UBR3: variants seen among roughly 807,000 people sequenced by gnomAD.
The protein encoded by UBR3 is ubiquitin protein ligase E3 component n-recognin 3.
In UBR3, 85 loss-of-function variants were observed where a neutral mutation model predicts 243.2. The ratio of observed to expected loss-of-function variants is 0.35; its 90% CI spans 0.29 to 0.42. UBR3 has a LOEUF of 0.42. Among genes scored for constraint, UBR3 ranks in the 10% least tolerant of loss-of-function variants. The pLI, the probability that UBR3 is intolerant of heterozygous loss-of-function variation, is 1.00. For synonymous variants in UBR3, 748 were observed against 799.8 expected (o/e 0.94, Z 1.09); for missense variants, 1,686 against 2,300.8 (o/e 0.73, Z 5.47).
At chr2:169,899,192 C>G (rs1248460145) in intron 8 of UBR3, among the ~76,000 whole-genome samples, 2 of 150,346 alleles carry the variant, frequency 1.3e-5, no homozygotes, top group Non-Finnish European at 3.0e-5. Flanking sequence ...ATTGGCCAGG[C>G]TGGTCTTGGA....
At chr2:169,852,863 A>C (rs1364693086) in intron 1 of UBR3, among the ~76,000 whole-genome samples, 6 of 145,272 alleles carry the variant, frequency 4.1e-5, no homozygotes, top group African/African-American at 9.8e-5. Flanking sequence ...AAAAAAAAAA[A>C]AAAAAAAAAA....
At chr2:169,857,113 T>C (rs989368759) in intron 1 of UBR3, among the ~76,000 whole-genome samples, 1 of 132,420 alleles carries the variant, frequency 7.6e-6, no homozygotes, top group African/African-American at 3.0e-5. Flanking sequence ...TTGTTCTGTC[T>C]CCCAGGCTAG....
chr2:169,917,515 T>C (rs1444862355), intron 11 of UBR3, among the ~76,000 whole-genome samples: 1 of 152,150 alleles, frequency 6.6e-6, no homozygotes, highest in Non-Finnish European at 1.5e-5. Flanking sequence ...GAATCATGAG[T>C]GTAGTGAAGG....
Position 169,882,007 on chromosome 2 carries a change from TATA to T in UBR3, c.1038+3437_1038+3439del, listed in dbSNP as rs1412715613. On this transcript the variant is annotated intron_variant, in intron 5 of 38. Coordinates refer to ENST00000272793, the MANE Select transcript of UBR3 (RefSeq NM_172070.4). ...TATGTATATGTATATTTATATAATATATAATATGTATTATATATTATACATGCA... is the reference window on the plus strand; with the variant it reads ...TATGTATATGTATATTTATATAATATATATGTATTATATATTATACATGCA... 4.7e-5 allele frequency among the ~76,000 whole-genome samples: 6 copies of T among 126,374 alleles called. No individual in the cohort carries two copies. The South Asian group carries it at 1.1e-3, about 24-fold the overall frequency. 82.9% of individuals were successfully genotyped at this position (126,374 alleles called of 152,430 possible).
Position 169,926,887 on chromosome 2 carries a change from G to C in UBR3, c.2254G>C (p.Val752Leu). The part of the protein sequence containing the change: ...LTMASQHQNT[V>L]LDAEHERSML... Reference sequence around the variant, plus strand: ...AATGGCATCACAACATCAAAATACAGTACTTGATGCAGAGCATGAGAGGTC... The same window carrying C: ...AATGGCATCACAACATCAAAATACACTACTTGATGCAGAGCATGAGAGGTC... Residue 752 changes from valine (V) to leucine (L), a missense_variant, in exon 16 of 39, where the codon GTA becomes CTA. This residue lies in a region of UBR3 where 346 missense variants were observed against 585.8 expected (regional missense o/e 0.59). Coordinates refer to ENST00000272793, the MANE Select transcript of UBR3 (RefSeq NM_172070.4). 6.4e-7 allele frequency: 1 copy of C among 1,550,820 alleles called. No individual in the cohort carries two copies. Among genetic ancestry groups the C allele is most frequent in the Non-Finnish European group, 8.7e-7 (1 of 1,146,308 alleles).
chr2:170,036,848 G>T (rs971093173), intron 31 of UBR3, among the ~76,000 whole-genome samples: 1 of 151,968 alleles, frequency 6.6e-6, no homozygotes, highest in African/African-American at 2.4e-5. Context: ...TTTTCATGTA[G>T]CCAGATCAAT....
chr2:169,880,920 GTTCAT>G (rs2083797016), intron 5 of UBR3, among the ~76,000 whole-genome samples: 1 of 152,016 alleles, frequency 6.6e-6, no homozygotes, highest in Non-Finnish European at 1.5e-5. Context: ...CTCCATCCAT[GTTCAT>G]TTCTCTTAGA....
intron 36 of UBR3, among the ~76,000 whole-genome samples, chr2:170,075,095 G>T (rs2091777205): frequency 6.6e-6 from 1 of 152,012 alleles, no homozygotes; most frequent in Non-Finnish European, 1.5e-5. Context: ...AAACATTGGA[G>T]TGAATAATAA....
At chr2:169,883,683 A>T (rs540402152) in intron 5 of UBR3, among the ~76,000 whole-genome samples, 98 of 152,308 alleles carry the variant, frequency 6.4e-4, no homozygotes, top group African/African-American at 2.2e-3. Flanking sequence ...TTTTAGTGGC[A>T]CTATCTCTTG....
At chr2:170,008,036 G>A (rs1187619284) in intron 28 of UBR3, among the ~76,000 whole-genome samples, 2 of 152,162 alleles carry the variant, frequency 1.3e-5, no homozygotes, top group Non-Finnish European at 2.9e-5. Context: ...TATTTACTGT[G>A]TGTATGTGTA....
intron 23 of UBR3, among the ~76,000 whole-genome samples, chr2:169,953,606 C>A (rs760228514): frequency 2.6e-5 from 4 of 152,136 alleles, no homozygotes; most frequent in Non-Finnish European, 5.9e-5. Flanking sequence ...AAGCAATAAT[C>A]TCGATTAAGA....
intron 2 of UBR3, among the ~76,000 whole-genome samples, chr2:169,873,691 C>G (rs1021249806): frequency 6.6e-6 from 1 of 150,396 alleles, no homozygotes; most frequent in Non-Finnish European, 1.5e-5. Flanking sequence ...CACCGCCCCC[C>G]AAAAAAAAGA....
chr2:169,924,311 C>T, intron 13 of UBR3, 138 bp downstream of exon 13: 1 of 662,822 alleles, frequency 1.5e-6, no homozygotes, highest in Non-Finnish European at 2.5e-6. Flanking sequence ...TGTATTTTTG[C>T]TAGATTATGT....
intron 10 of UBR3, among the ~76,000 whole-genome samples, chr2:169,906,578 G>A (rs1310935049): frequency 6.6e-6 from 1 of 151,750 alleles, no homozygotes; most frequent in African/African-American, 2.4e-5. Context: ...TATAAGCATT[G>A]GTTTGATGGG....
intron 30 of UBR3, among the ~76,000 whole-genome samples, chr2:170,020,683 C>G (rs1205218514): frequency 6.6e-6 from 1 of 152,118 alleles, no homozygotes; most frequent in East Asian, 1.9e-4. Context: ...ACTCTAGGAA[C>G]TTTTAGAATT....
At chr2:169,859,878 G>A (rs2083028021) in intron 1 of UBR3, among the ~76,000 whole-genome samples, 1 of 151,846 alleles carries the variant, frequency 6.6e-6, no homozygotes, top group African/African-American at 2.4e-5. Context: ...TACCACACCC[G>A]GCTAATTTTT....
intron 31 of UBR3, among the ~76,000 whole-genome samples, chr2:170,032,052 C>T (rs1400001046): frequency 6.6e-6 from 1 of 151,998 alleles, no homozygotes; most frequent in Non-Finnish European, 1.5e-5. Context: ...TAATGGGATG[C>T]TGGGTCATAG....
intron 32 of UBR3, 24 bp from the exon 33 acceptor site, chr2:170,055,436 A>G (rs564846596): frequency 1.2e-6 from 2 of 1,606,104 alleles, no homozygotes; most frequent in Admixed American, 1.7e-5. Context: ...TTCCAAAGAA[A>G]TAATGATTTT....
intron 27 of UBR3, among the ~76,000 whole-genome samples, chr2:170,002,964 C>T (rs1357580184): frequency 1.3e-5 from 2 of 152,146 alleles, no homozygotes; most frequent in Non-Finnish European, 1.5e-5. Context: ...AGCAGCACAA[C>T]TTCTTAAAAG....
Sources: allele counts gnomAD v4.1 joint callset (sites outside exome capture counted in the v4.1 genomes callset), GRCh38; gene constraint gnomAD v4.1.1; regional missense constraint gnomAD v4.1.1; transcripts MANE v1.5; gene names NCBI Gene and HGNC (gene_info 2026-07-23, HGNC 2026-07-21).